Variants in USP34 observed in about 807,000 individuals in gnomAD.
USP34 encodes ubiquitin specific peptidase 34, also known as ubiquitin carboxyl-terminal hydrolase 34.
A neutral mutation model predicts 460.3 loss-of-function variants in USP34; 70 were observed. The ratio of observed to expected loss-of-function variants is 0.15; its 90% CI spans 0.13 to 0.19. The LOEUF is 0.19. Among genes scored for constraint, USP34 ranks in the 10% least tolerant of loss-of-function variants. The pLI is 1.00. For missense variants in USP34, 3,985 were observed against 4,236.2 expected, an observed-to-expected ratio of 0.94 and a Z score of 1.65; for synonymous variants, 1,647 against 1,405.3, an observed-to-expected ratio of 1.17 and a Z score of -3.85.
chr2:61,324,357 C>T (rs1172584648), intron 21 of USP34, among the ~76,000 whole-genome samples: 3 of 152,142 alleles, frequency 2.0e-5, no homozygotes, highest in Non-Finnish European at 2.9e-5. Flanking sequence ...AAAACTGGGG[C>T]CTCTAAATGT....
intron 18 of USP34, 106 bp from the exon 19 acceptor site, chr2:61,334,077 G>T: frequency 1.4e-6 from 1 of 697,772 alleles, no homozygotes; most frequent in Non-Finnish European, 2.2e-6. Context: ...CTTGCATAGA[G>T]ACATATTATT....
chr2:61,233,788 CTG>C (rs1190767968), intron 57 of USP34, among the ~76,000 whole-genome samples: 1 of 151,248 alleles, frequency 6.6e-6, no homozygotes, highest in Non-Finnish European at 1.5e-5. Context: ...TGAGCTATGA[CTG>C]TGCACCACTG....
chr2:61,338,907 A>G (rs1279488636), intron 18 of USP34, among the ~76,000 whole-genome samples: 6 of 152,190 alleles, frequency 3.9e-5, no homozygotes, highest in Non-Finnish European at 7.4e-5. Context: ...ATGCACTACA[A>G]ATGCTGAGAC....
At chr2:61,290,910 T>G (rs1278046123) in intron 33 of USP34, among the ~76,000 whole-genome samples, 2 of 152,094 alleles carry the variant, frequency 1.3e-5, no homozygotes, top group Non-Finnish European at 2.9e-5. Flanking sequence ...AGGTAACGGT[T>G]TTGTAGATAC....
At chr2:61,424,043 A>T (rs1407621307) in intron 1 of USP34, among the ~76,000 whole-genome samples, 2 of 152,228 alleles carry the variant, frequency 1.3e-5, no homozygotes, top group Non-Finnish European at 2.9e-5. Flanking sequence ...GGGAATATAA[A>T]ATGTTACAGC....
chr2:61,255,018 A>G (rs1688688545), intron 48 of USP34, among the ~76,000 whole-genome samples: 1 of 152,020 alleles, frequency 6.6e-6, no homozygotes, highest in African/African-American at 2.4e-5. Flanking sequence ...AATTTCTAAA[A>G]CTTTTTTAGC....
At chr2:61,297,159 TG>T (rs1262922173) in intron 29 of USP34, among the ~76,000 whole-genome samples, 1 of 152,258 alleles carries the variant, frequency 6.6e-6, no homozygotes, top group Non-Finnish European at 1.5e-5. Context: ...CCTCTAAGAC[TG>T]ATCATGTTCC....
At chr2:61,383,589 G>A (rs1224956405) in intron 5 of USP34, among the ~76,000 whole-genome samples, 5 of 152,076 alleles carry the variant, frequency 3.3e-5, no homozygotes, top group Non-Finnish European at 5.9e-5. Flanking sequence ...TGTAGTCCCA[G>A]CTACTTGAGA....
Position 61,203,194 on chromosome 2 carries a change from A to C in USP34, c.9454T>G (p.Leu3152Val), listed in dbSNP as rs1284861236. ...TCACAGTTGATTGCAACTCGGCATA[A>C]TAGATGGATGAACTGATGATAAGAA... ...FFSYHQFIHL[L>V]CRVAINCEKF... The change falls in exon 75 of 80, where the codon TTA becomes GTA. Residue 3152 changes from leucine (L) to valine (V), a missense_variant. Leu to Val is a conservative substitution (Grantham distance 32). Transcript: ENST00000398571. 1.9e-6 allele frequency: 3 copies of C among 1,603,556 alleles called. No individual in the cohort carries two copies. The highest frequency in any genetic ancestry group is 2.6e-6 in the Non-Finnish European group (3 of 1,175,010).
At chr2:61,344,152 A>T in intron 15 of USP34, 123 bp from the exon 16 acceptor site, 3 of 827,766 alleles carry the variant, frequency 3.6e-6, no homozygotes, top group Non-Finnish European at 5.6e-6. Flanking sequence ...CTGCTTATTA[A>T]CAATATGGAA....
At chr2:61,269,301 T>C (rs1166638126) in intron 41 of USP34, among the ~76,000 whole-genome samples, 3 of 150,402 alleles carry the variant, frequency 2.0e-5, no homozygotes, top group South Asian at 2.1e-4. Flanking sequence ...GCTTGGACTA[T>C]AGATGCTCAC....
chr2:61,424,970 C>T (rs535721836), intron 1 of USP34, among the ~76,000 whole-genome samples: 4 of 152,194 alleles, frequency 2.6e-5, no homozygotes, highest in Admixed American at 1.3e-4. Flanking sequence ...CAGGCATGTA[C>T]CACCACGCCC....
At chr2:61,251,137 CA>C (rs999787001) in intron 48 of USP34, among the ~76,000 whole-genome samples, 1 of 150,610 alleles carries the variant, frequency 6.6e-6, no homozygotes, top group South Asian at 2.1e-4. Context: ...GACTCCATCT[CA>C]AAAAAAATAA....
chr2:61,341,663 C>G (rs551347301), intron 16 of USP34, among the ~76,000 whole-genome samples: 1 of 151,836 alleles, frequency 6.6e-6, no homozygotes, highest in Non-Finnish European at 1.5e-5. Context: ...TCACCAGAAG[C>G]AGATGCTGGC....
chr2:61,238,651 G>A (rs1688141718), intron 53 of USP34, among the ~76,000 whole-genome samples: 1 of 152,056 alleles, frequency 6.6e-6, no homozygotes. Context: ...CATGTACACA[G>A]TATTTTACAT....
At chr2:61,225,859 A>C (rs1687711138) in intron 62 of USP34, among the ~76,000 whole-genome samples, 1 of 152,246 alleles carries the variant, frequency 6.6e-6, no homozygotes, top group Admixed American at 6.5e-5. Flanking sequence ...CATATGAATG[A>C]AATGTGTCTA....
chr2:61,367,672 T>C (rs756670089), intron 10 of USP34, among the ~76,000 whole-genome samples: 2 of 151,994 alleles, frequency 1.3e-5, no homozygotes, highest in East Asian at 3.8e-4. Context: ...ATGGAAGAAA[T>C]ATAATTGAAG....
rs772577523 is a variant in USP34 at position 61,236,062 on chromosome 2, G to C, written c.6930C>G (p.Ser2310=). Residue 2310 remains serine, a synonymous_variant, in exon 56 of 80, where the codon TCC becomes TCG. Coordinates refer to ENST00000398571, the MANE Select transcript of USP34 (RefSeq NM_014709.4). The stretch of plus-strand genomic sequence containing the variant: ...AATGAATAAATGTCTCTAGGACAAA[G>C]GAAGTGCTTAACTGTAAGAAAAGAT... ...VSLMTAKLST[S]FVLETFIHSK... 1.2e-6 allele frequency: 2 copies of C among 1,606,740 alleles called. No homozygotes were observed. The highest frequency in any genetic ancestry group is 1.7e-6 in the Non-Finnish European group (2 of 1,178,192).
chr2:61,317,912 A>G (rs1690799836), intron 22 of USP34, 145 bp from the exon 23 acceptor site: 2 of 618,598 alleles, frequency 3.2e-6, no homozygotes, highest in South Asian at 2.9e-5. Context: ...AAATAAAAAT[A>G]TATAATAATT....
Sources: allele counts gnomAD v4.1 joint callset (sites outside exome capture counted in the v4.1 genomes callset), GRCh38; gene constraint gnomAD v4.1.1; transcripts MANE v1.5; gene names NCBI Gene and HGNC (gene_info 2026-07-23, HGNC 2026-07-21).